Variants in KCTD1 observed in about 807,000 individuals in gnomAD.
KCTD1 encodes potassium channel tetramerization domain containing 1.
Under a neutral mutation model 66.0 loss-of-function variants are expected in KCTD1, and 24 were observed. That is an observed-to-expected ratio of 0.36 (90% confidence interval 0.26 to 0.51). The LOEUF (loss-of-function observed/expected upper bound fraction) is 0.51, where lower values mean the gene tolerates loss of function less well. Ranked by LOEUF, KCTD1 falls within the 20% of genes least tolerant of loss-of-function variation. KCTD1 has a pLI of 0.95. For synonymous variants in KCTD1, 511 were observed against 517.2 expected (o/e 0.99, Z 0.16); for missense variants, 943 against 1,205.2 (o/e 0.78, Z 3.22).
At chr18:26,542,230 T>C (rs1349023615) in intron 1 of KCTD1, among the ~76,000 whole-genome samples, 1 of 152,200 alleles carries the variant, frequency 6.6e-6, no homozygotes, top group Non-Finnish European at 1.5e-5. Flanking sequence ...TACGTTTTCT[T>C]TCATGTTAGT....
At chr18:26,583,405 A>AG (rs1227952918) in intron 1 of KCTD1, among the ~76,000 whole-genome samples, 1 of 151,216 alleles carries the variant, frequency 6.6e-6, no homozygotes, top group Non-Finnish European at 1.5e-5. Context: ...AAAAAAAAAA[A>AG]AAAAAAAAAA....
chr18:26,554,410 A>G (rs897608143), intron 1 of KCTD1, among the ~76,000 whole-genome samples: 12 of 151,668 alleles, frequency 7.9e-5, no homozygotes, highest in African/African-American at 2.9e-4. Context: ...ACTGAGAAAC[A>G]GTGTCACCTT....
intron 1 of KCTD1, among the ~76,000 whole-genome samples, chr18:26,573,030 T>G (rs1398360063): frequency 3.4e-5 from 5 of 148,924 alleles, no homozygotes; most frequent in Middle Eastern, 3.2e-3. Flanking sequence ...ACCCCCCCCT[T>G]TTTTTTTTTG....
intron 1 of KCTD1, among the ~76,000 whole-genome samples, chr18:26,534,203 GT>G (rs1368244179): frequency 2.0e-5 from 3 of 151,838 alleles, no homozygotes; most frequent in Non-Finnish European, 4.4e-5. Flanking sequence ...TCTACTTAGA[GT>G]TTGTTCAAAA....
intron 1 of KCTD1, among the ~76,000 whole-genome samples, chr18:26,539,816 C>A (rs934447884): frequency 1.3e-5 from 2 of 152,122 alleles, no homozygotes; most frequent in African/African-American, 4.8e-5. Context: ...TCCACAATCA[C>A]AAGAAACTTA....
chr18:26,557,441 AT>A (rs1245791670), intron 1 of KCTD1, among the ~76,000 whole-genome samples: 1 of 152,160 alleles, frequency 6.6e-6, no homozygotes, highest in Admixed American at 6.5e-5. Flanking sequence ...CTTTCCTAGA[AT>A]TGTTAGTTTT....
chr18:26,577,659 C>T (rs1986255841), intron 1 of KCTD1, among the ~76,000 whole-genome samples: 1 of 152,144 alleles, frequency 6.6e-6, no homozygotes, highest in African/African-American at 2.4e-5. Flanking sequence ...GATCCTCCCT[C>T]CTCAGCCTGC....
Position 26,599,719 on chromosome 18 carries a change from C to A in KCTD1, c.-16+29428G>T, listed in dbSNP as rs112514007. On this transcript the variant is annotated intron_variant, in intron 1 of 4. Coordinates refer to the KCTD1 transcript ENST00000317932. ...AGCCAGTAGAGACAGCTGTAGATAA[C>A]AATAGCAAAGTGAAGACAGCATCTA... 3,629 of 1,554,796 alleles carry A rather than the reference C, an allele frequency of 2.3e-3. 26 individuals carry two copies. The highest frequency in any genetic ancestry group is 0.012 in the South Asian group (1,098 of 89,812).
chr18:26,459,461 G>A (rs1469025111), intron 4 of KCTD1, 159 bp downstream of exon 4: 23 of 651,926 alleles, frequency 3.5e-5, no homozygotes, highest in Non-Finnish European at 5.3e-5. Flanking sequence ...CAAGACTTAC[G>A]GAATGACTGC....
At chr18:26,537,969 G>T (rs1200402946) in intron 1 of KCTD1, among the ~76,000 whole-genome samples, 1 of 152,202 alleles carries the variant, frequency 6.6e-6, no homozygotes, top group Non-Finnish European at 1.5e-5. Flanking sequence ...ATTTCTGGCC[G>T]GGCATGGTGG....
intron 1 of KCTD1, among the ~76,000 whole-genome samples, chr18:26,593,940 G>A (rs1986707938): frequency 6.6e-6 from 1 of 152,064 alleles, no homozygotes; most frequent in Non-Finnish European, 1.5e-5. Flanking sequence ...GGAGAAAGAA[G>A]AGAAGGGGGG....
intron 1 of KCTD1, among the ~76,000 whole-genome samples, chr18:26,589,030 A>C (rs1986536318): frequency 1.3e-5 from 2 of 152,322 alleles, no homozygotes; most frequent in East Asian, 1.9e-4. Context: ...CAGAGCAGGG[A>C]TAAATACTCT....
At chr18:26,631,629 G>A (rs909873790), upstream of KCTD1, among the ~76,000 whole-genome samples, 1 of 151,968 alleles carries the variant, frequency 6.6e-6, no homozygotes, top group African/African-American at 2.4e-5. Flanking sequence ...AAGATTATGA[G>A]GAATTAGAGG....
intron 1 of KCTD1, among the ~76,000 whole-genome samples, chr18:26,508,130 C>CT (rs1371445640): frequency 6.6e-6 from 1 of 152,200 alleles, no homozygotes; most frequent in Non-Finnish European, 1.5e-5. Context: ...CCAAATCTGA[C>CT]TAAAATATAC....
chr18:26,565,855 T>C (rs1455330858), intron 1 of KCTD1: 2 of 152,128 alleles, frequency 1.3e-5, no homozygotes, highest in Admixed American at 6.5e-5. Context: ...ATACAGATCA[T>C]TGTTATTTTT....
intron 1 of KCTD1, among the ~76,000 whole-genome samples, chr18:26,593,126 C>A (rs1986648188): frequency 6.6e-6 from 1 of 152,244 alleles, no homozygotes; most frequent in African/African-American, 2.4e-5. Context: ...TGATGTTCCA[C>A]CACATGGCTC....
At chr18:26,472,837 G>C (rs1367014402) in intron 3 of KCTD1, among the ~76,000 whole-genome samples, 2 of 152,182 alleles carry the variant, frequency 1.3e-5, no homozygotes, top group African/African-American at 4.8e-5. Context: ...AGGTCTCTCT[G>C]TTTCACCTGC....
chr18:26,641,227 C>T (rs567982), upstream of KCTD1, among the ~76,000 whole-genome samples: 20,397 of 152,196 alleles, frequency 0.13, 1,667 homozygotes, highest in Non-Finnish European at 0.19. Flanking sequence ...TCATTTACCA[C>T]GTTTCCCCCA....
In KCTD1 at chr18:26,548,128, G is replaced by A; in HGVS notation, c.409C>T (p.Pro137Ser). The A allele has an allele frequency of 1.5e-6, 2 of 1,315,650 alleles. No homozygotes were observed. The highest frequency in any genetic ancestry group is 1.9e-6 in the Non-Finnish European group (2 of 1,041,286). 81.5% of individuals were successfully genotyped at this position (1,315,650 alleles called of 1,614,324 possible). The change falls in exon 1 of 5, where the codon CCG (proline) becomes TCG (serine). Residue 137 changes from proline to serine, a missense_variant. Transcript: ENST00000580059. ...CGGGCCCGGGGCGCCAGCAGTCGCG[G>A]CGGCGCCTCGGGCTCCAGCGCGGCG... ...QSAALEPEAP[P>S]RLLAPRARGG...
Sources: gnomAD v4.1 joint callset for allele counts (sites outside exome capture counted in the v4.1 genomes callset) on GRCh38, gnomAD v4.1.1 for gene constraint, MANE v1.5 for transcripts, NCBI Gene and HGNC (gene_info 2026-07-23, HGNC 2026-07-21) for gene names.